GDAP2: variants seen among roughly 807,000 people sequenced by gnomAD.
The protein encoded by GDAP2 is ganglioside-induced differentiation-associated protein 2.
In GDAP2, 51 loss-of-function variants were observed where a neutral mutation model predicts 67.0. The ratio of observed to expected loss-of-function variants is 0.76; its 90% CI spans 0.61 to 0.96. The LOEUF (loss-of-function observed/expected upper bound fraction) is 0.96. GDAP2 is among the 40% of genes least tolerant of loss of function. GDAP2 has a pLI of 0.00. For missense variants in GDAP2, 547 were observed against 588.3 expected (o/e 0.93, Z 0.73); for synonymous variants, 203 against 207.3 (o/e 0.98, Z 0.18).
chr1:117,894,157 T>G (rs1360365497), intron 8 of GDAP2, among the ~76,000 whole-genome samples: 4 of 151,604 alleles, frequency 2.6e-5, no homozygotes, highest in Non-Finnish European at 4.4e-5. Flanking sequence ...TTTTTTTTTT[T>G]GAGACAGGGT....
intron 8 of GDAP2, among the ~76,000 whole-genome samples, chr1:117,891,224 TG>T (rs1649072006): frequency 6.6e-6 from 1 of 150,874 alleles, no homozygotes; most frequent in Non-Finnish European, 1.5e-5. Flanking sequence ...GTTTTGCTAT[TG>T]TGAAGAGGGC....
At chr1:117,887,525 A>C (rs1037103780) in intron 9 of GDAP2, among the ~76,000 whole-genome samples, 173 bp downstream of exon 9, 1 of 152,176 alleles carries the variant, frequency 6.6e-6, no homozygotes, top group Admixed American at 6.5e-5. Flanking sequence ...AATGTTATAG[A>C]TTGGGATGTT....
intron 3 of GDAP2, among the ~76,000 whole-genome samples, chr1:117,915,033 A>G (rs1392193832): frequency 6.6e-6 from 1 of 152,104 alleles, no homozygotes; most frequent in African/African-American, 2.4e-5. Context: ...GAAAGGGAGG[A>G]TGGAGGGTTC....
intron 3 of GDAP2, among the ~76,000 whole-genome samples, chr1:117,915,627 A>T (rs1650024205): frequency 3.3e-5 from 5 of 152,216 alleles, no homozygotes; most frequent in Admixed American, 3.3e-4. Flanking sequence ...TTATTTTGGT[A>T]TCAAAAGATA....
In GDAP2 at chr1:117,867,671, C is replaced by T. The variant is rs544438655; in HGVS notation, c.*2898G>A. On this transcript the variant is annotated 3_prime_UTR_variant, in exon 14 of 14. Transcript: ENST00000369443. ...GAGCCGAGATCACACCATTGCACTC[C>T]AGCTTGGGTGACAGAGTAAGACTGT... 7.9e-5 allele frequency: 12 copies of T among 151,652 alleles called. No individual in the cohort carries two copies. Among genetic ancestry groups the T allele is most frequent in the African/African-American group, 2.9e-4 (12 of 41,324 alleles). The allele number at this position is 151,652 out of a possible 1,614,324, so 9.4% of individuals were successfully genotyped here.
chr1:117,920,285 C>T lies in GDAP2; in HGVS notation c.73G>A (p.Asp25Asn), dbSNP rs755996900. The T allele has an allele frequency of 7.5e-6, 12 of 1,609,898 alleles. No homozygotes were observed. The highest frequency in any genetic ancestry group is 1.0e-5 in the Non-Finnish European group (12 of 1,176,434). The change falls in exon 2 of 14, where the codon GAT (aspartate) becomes AAT (asparagine). Residue 25 changes from aspartate to asparagine, a missense_variant. Transcript: ENST00000369443. The part of the protein sequence containing the change: ...TLPSWGDSCQ[D>N]ELNSSDTTAE... ...GTAGTATCAGAGGAATTTAATTCAT[C>T]TTGGCATGAGTCACCCCAGCTTGGT...
At chr1:117,918,254 G>A (rs369001218) in intron 3 of GDAP2, among the ~76,000 whole-genome samples, 1 of 152,108 alleles carries the variant, frequency 6.6e-6, no homozygotes, top group Non-Finnish European at 1.5e-5. Flanking sequence ...TTCAGTTCAC[G>A]AGGAGAGTCA....
At chr1:117,902,127 G>C (rs1472317454) in intron 6 of GDAP2, among the ~76,000 whole-genome samples, 1 of 152,136 alleles carries the variant, frequency 6.6e-6, no homozygotes, top group Non-Finnish European at 1.5e-5. Context: ...TTTTCTAGCA[G>C]AACTATGCAA....
intron 8 of GDAP2, among the ~76,000 whole-genome samples, chr1:117,894,983 T>C (rs1007729205): frequency 1.3e-5 from 2 of 152,180 alleles, no homozygotes; most frequent in African/African-American, 4.8e-5. Flanking sequence ...TAATGAAATG[T>C]GTCAATACTT....
intron 6 of GDAP2, among the ~76,000 whole-genome samples, chr1:117,903,485 G>A (rs1414672601): frequency 6.6e-6 from 1 of 151,808 alleles, no homozygotes; most frequent in Non-Finnish European, 1.5e-5. Context: ...TCAAGAAAGA[G>A]TGTTACATTT....
At position 117,903,982 on chromosome 1, in the gene GDAP2, AT is replaced by A. The variant is rs200882432; in HGVS notation, c.636+2523del. 1.3e-4 allele frequency among the ~76,000 whole-genome samples: 20 copies of A among 149,402 alleles called. 2 individuals are homozygous for A. In the South Asian group the frequency reaches 3.2e-3, roughly 24 times the overall value. Reference sequence around the variant, plus strand: ...AAATTCAATAATCTATGAGTTTATGATTTTTTTTTCTTTTTTTTTTTTTGAG... The same window carrying A: ...AAATTCAATAATCTATGAGTTTATGATTTTTTTTCTTTTTTTTTTTTTGAG... On this transcript the variant is annotated intron_variant, in intron 6 of 13. Transcript: ENST00000369443.
intron 8 of GDAP2, 122 bp from the exon 9 acceptor site, chr1:117,887,896 A>C: frequency 1.6e-6 from 1 of 615,228 alleles, no homozygotes; most frequent in East Asian, 2.8e-5. Flanking sequence ...TCATTATAAT[A>C]GGGAAGGAGT....
intron 8 of GDAP2, among the ~76,000 whole-genome samples, chr1:117,891,311 G>C (rs930973359): frequency 7.9e-5 from 12 of 151,816 alleles, no homozygotes; most frequent in Non-Finnish European, 4.4e-5. Flanking sequence ...ATGAGTGAAA[G>C]TGCTAGGTTA....
At chr1:117,892,389 T>C (rs1304399975) in intron 8 of GDAP2, among the ~76,000 whole-genome samples, 1 of 152,160 alleles carries the variant, frequency 6.6e-6, no homozygotes, top group East Asian at 1.9e-4. Context: ...CTATAGTGTT[T>C]TGTTTTGTTT....
rs139569851 is a variant in GDAP2, at chr1:117,874,634, T to G, written c.1446+3375A>C. Reference sequence around the variant, plus strand: ...AGAGACCTGAAAATGTGGAAGCAGCTTTGGAACTGGGTAATGGGCAGAGGC... The same window carrying G: ...AGAGACCTGAAAATGTGGAAGCAGCGTTGGAACTGGGTAATGGGCAGAGGC... On this transcript the variant is annotated intron_variant, in intron 13 of 13. Coordinates refer to ENST00000369443, the MANE Select transcript of GDAP2 (RefSeq NM_017686.4). Among the ~76,000 whole-genome samples, 759 of 152,282 alleles carry G rather than the reference T, an allele frequency of 5.0e-3. 5 individuals carry two copies. Among genetic ancestry groups the G allele is most frequent in the Admixed American group, 0.011 (162 of 15,294 alleles).
intron 6 of GDAP2, among the ~76,000 whole-genome samples, chr1:117,904,113 A>C (rs1322103925): frequency 6.6e-6 from 1 of 151,528 alleles, no homozygotes; most frequent in East Asian, 1.9e-4. Flanking sequence ...CAGCCTCCCT[A>C]GTAGCTGGGA....
chr1:117,922,529 G>C (rs1013195879), intron 1 of GDAP2, among the ~76,000 whole-genome samples: 4 of 152,086 alleles, frequency 2.6e-5, no homozygotes, highest in African/African-American at 9.7e-5. Context: ...CCTAAGTGTT[G>C]GCCGGTCTGA....
intron 1 of GDAP2, among the ~76,000 whole-genome samples, chr1:117,928,057 A>T (rs1039848779): frequency 5.3e-5 from 8 of 152,168 alleles, no homozygotes; most frequent in African/African-American, 1.9e-4. Context: ...CCCATCCCAT[A>T]ATATTTAATA....
intron 5 of GDAP2, among the ~76,000 whole-genome samples, chr1:117,908,022 C>A (rs1290834569): frequency 6.6e-6 from 1 of 152,042 alleles, no homozygotes; most frequent in Non-Finnish European, 1.5e-5. Context: ...GTATTCAAAA[C>A]ATACCACTTA....
Sources: allele counts gnomAD v4.1 joint callset (sites outside exome capture counted in the v4.1 genomes callset), GRCh38; gene constraint gnomAD v4.1.1; transcripts MANE v1.5; gene names NCBI Gene and HGNC (gene_info 2026-07-23, HGNC 2026-07-21).